Variants in TBC1D9 observed in about 807,000 individuals in gnomAD.
TBC1D9 encodes the protein TBC1 domain family member 9.
TBC1D9 carries 63 observed loss-of-function variants against 132.0 expected under a neutral mutation model. The ratio of observed to expected loss-of-function variants is 0.48; its 90% CI spans 0.39 to 0.59. The LOEUF is 0.59. TBC1D9 is among the 20% of genes least tolerant of loss of function. The pLI, the probability that TBC1D9 is intolerant of heterozygous loss-of-function variation, is 0.00. For synonymous variants in TBC1D9, 610 were observed against 609.9 expected (o/e 1.00, Z 0.00); for missense variants, 1,261 against 1,592.7 (o/e 0.79, Z 3.54).
intron 4 of TBC1D9, 116 bp downstream of exon 4, chr4:140,679,498 AG>A: frequency 1.3e-6 from 1 of 769,364 alleles, no homozygotes; most frequent in Non-Finnish European, 2.1e-6. Flanking sequence ...AAAAAAAATT[AG>A]TATTGACTTA....
At chr4:140,748,829 C>T (rs982484575) in intron 1 of TBC1D9, among the ~76,000 whole-genome samples, 14 of 152,152 alleles carry the variant, frequency 9.2e-5, no homozygotes, top group Admixed American at 2.0e-4. Flanking sequence ...CAGTGGAAAA[C>T]GGATTCCAGA....
chr4:140,669,591 G>T (rs765768877), intron 8 of TBC1D9, 43 bp downstream of exon 8: 1 of 1,574,886 alleles, frequency 6.3e-7, no homozygotes, highest in East Asian at 2.3e-5. Flanking sequence ...TAATGGCATT[G>T]TTCAAATCTA....
intron 1 of TBC1D9, among the ~76,000 whole-genome samples, chr4:140,749,977 C>T (rs956002306): frequency 1.3e-5 from 2 of 151,954 alleles, no homozygotes; most frequent in African/African-American, 4.8e-5. Context: ...AAATCAGTTA[C>T]TATAAGTTAC....
At chr4:140,657,867 T>TA in intron 11 of TBC1D9, 55 bp from the exon 12 acceptor site, 1 of 1,543,610 alleles carries the variant, frequency 6.5e-7, no homozygotes, top group Non-Finnish European at 8.7e-7. Flanking sequence ...ACAGTGTAAC[T>TA]AAAGAATCCA....
intron 1 of TBC1D9, among the ~76,000 whole-genome samples, chr4:140,702,258 A>T (rs1738085301): frequency 6.6e-6 from 1 of 152,236 alleles, no homozygotes; most frequent in Non-Finnish European, 1.5e-5. Flanking sequence ...TCCAGGGTTT[A>T]CCAGGCCCAT....
Position 140,670,360 on chromosome 4 carries a change from A to G in TBC1D9, c.1266+360T>C, listed in dbSNP as rs527394559. Among the ~76,000 whole-genome samples, 30 of 152,348 alleles carry G rather than the reference A, an allele frequency of 2.0e-4. 1 individual carries two copies. The South Asian group carries it at 4.8e-3, about 24-fold the overall frequency. On this transcript the variant is annotated intron_variant, in intron 7 of 20. Coordinates refer to ENST00000442267, the MANE Select transcript of TBC1D9 (RefSeq NM_015130.3). ...ACAGGGACCCAATATGTATTCTATC[A>G]TAATAAAAATCATCATAATGATTTG...
intron 13 of TBC1D9, chr4:140,643,597 C>T: frequency 1.1e-6 from 1 of 920,788 alleles, no homozygotes; most frequent in South Asian, 1.6e-5. Context: ...TGGGCCAGGC[C>T]TTCCTCCGGC....
At position 140,756,161 on chromosome 4, in the gene TBC1D9, TGCGGCGGCG is replaced by T. The variant is rs1011715235; in HGVS notation, c.-125_-117del. 2 of 822,322 alleles carry T rather than the reference TGCGGCGGCG, an allele frequency of 2.4e-6. No individual in the cohort carries two copies. Among genetic ancestry groups the T allele is most frequent in the Admixed American group, 4.4e-5 (1 of 22,810 alleles). 50.9% of individuals were successfully genotyped at this position (822,322 alleles called of 1,614,324 possible). A position where few individuals can be genotyped will look rare whatever the true frequency, so the allele number is the denominator to read the frequency against. On this transcript the variant is annotated 5_prime_UTR_variant, in exon 1 of 21. Coordinates refer to ENST00000442267, the MANE Select transcript of TBC1D9 (RefSeq NM_015130.3). This position sits in a 1 kb window ranked among gnomAD's most constrained non-coding sequence, Gnocchi z 5.6. ...CGCGCCCGCCCGCCCGTCCGCTAGG[TGCGGCGGCG>T]GCGGCGGCAGGCGACTTCAGGGGGT...
intron 1 of TBC1D9, among the ~76,000 whole-genome samples, chr4:140,702,549 C>T (rs946293194): frequency 1.3e-5 from 2 of 152,208 alleles, no homozygotes; most frequent in Admixed American, 6.5e-5. Flanking sequence ...CCCTGTTTCT[C>T]ACTCAGCAAT....
intron 1 of TBC1D9, among the ~76,000 whole-genome samples, chr4:140,727,490 T>C (rs1191396616): frequency 2.6e-5 from 4 of 152,224 alleles, no homozygotes; most frequent in Non-Finnish European, 5.9e-5. Context: ...CGTGGACATT[T>C]TGTGATGCTA....
intron 3 of TBC1D9, among the ~76,000 whole-genome samples, chr4:140,681,900 G>A (rs898806686): frequency 9.9e-5 from 15 of 152,092 alleles, no homozygotes; most frequent in South Asian, 8.3e-4. Context: ...GCATTCTCAC[G>A]TCTATGTTGT....
intron 1 of TBC1D9, among the ~76,000 whole-genome samples, chr4:140,709,164 T>A (rs963673537): frequency 4.0e-5 from 6 of 151,732 alleles, no homozygotes; most frequent in African/African-American, 1.5e-4. Flanking sequence ...GCTGCCCCTG[T>A]ATCATGGCTG....
In TBC1D9 at chr4:140,706,445, C is replaced by A. The variant is rs144373517; in HGVS notation, c.131-4831G>T. Among the ~76,000 whole-genome samples the A allele has an allele frequency of 4.6e-5, 7 of 152,072 alleles. No individual in the cohort carries two copies. Among genetic ancestry groups the A allele is most frequent in the Non-Finnish European group, 4.4e-5 (3 of 68,010 alleles). On this transcript the variant is annotated intron_variant, in intron 1 of 20. Transcript: ENST00000442267. The surrounding 1 kb of genome is among the most constrained non-coding windows in gnomAD (Gnocchi z 4.0). ...TAGAAAGTGCTTAGTATGCACTAAG[C>A]ACTATTGTGTAATGAATCATTCAAA...
chr4:140,643,517 C>G (rs1321595345), intron 13 of TBC1D9: 2 of 881,424 alleles, frequency 2.3e-6, no homozygotes, highest in East Asian at 2.6e-5. Context: ...GTCTCGGGCA[C>G]TCTCCCTCCC....
rs943404787 is a variant in TBC1D9 at position 140,706,860 on chromosome 4, T to A, written c.131-5246A>T. Among the ~76,000 whole-genome samples, 1 of 152,234 alleles carries A rather than the reference T, an allele frequency of 6.6e-6. No homozygotes were observed. The highest frequency in any genetic ancestry group is 1.5e-5 in the Non-Finnish European group (1 of 68,048). ...TTTAAAATATTGTGCAATATTCCAC[T>A]ATATAAGTATATTACAACTTATCTG... On this transcript the variant is annotated intron_variant, in intron 1 of 20. Transcript: ENST00000442267. The surrounding 1 kb of genome is among the most constrained non-coding windows in gnomAD (Gnocchi z 4.0).
At chr4:140,657,964 C>T (rs954052679) in intron 11 of TBC1D9, among the ~76,000 whole-genome samples, 152 bp from the exon 12 acceptor site, 1 of 152,242 alleles carries the variant, frequency 6.6e-6, no homozygotes, top group African/African-American at 2.4e-5. Context: ...GGTGTCAACA[C>T]AGCTCAGTCA....
intron 1 of TBC1D9, among the ~76,000 whole-genome samples, chr4:140,735,203 A>G (rs1238928262): frequency 6.6e-6 from 1 of 152,190 alleles, no homozygotes; most frequent in Non-Finnish European, 1.5e-5. Context: ...ATTAACCCTA[A>G]AGAAACTGCC....
intron 1 of TBC1D9, among the ~76,000 whole-genome samples, chr4:140,710,451 T>C (rs1738225280): frequency 6.6e-6 from 1 of 152,132 alleles, no homozygotes; most frequent in Non-Finnish European, 1.5e-5. Context: ...ACAAAGTAAA[T>C]GCTCAACAAG....
chr4:140,629,191 A>C (rs1423943705), intron 16 of TBC1D9, among the ~76,000 whole-genome samples: 1 of 152,264 alleles, frequency 6.6e-6, no homozygotes, highest in Admixed American at 6.5e-5. Flanking sequence ...TGGGGAACTC[A>C]ATACAACCAG....
Sources: allele counts gnomAD v4.1 joint callset (sites outside exome capture counted in the v4.1 genomes callset), GRCh38; gene constraint gnomAD v4.1.1; non-coding constraint Gnocchi (gnomAD v3.1); transcripts MANE v1.5; gene names NCBI Gene and HGNC (gene_info 2026-07-23, HGNC 2026-07-21).